TMEM44: variants seen among roughly 807,000 people sequenced by gnomAD.
The protein encoded by TMEM44 is transmembrane protein 44.
A neutral mutation model predicts 47.8 loss-of-function variants in TMEM44; 43 were observed. The ratio of observed to expected loss-of-function variants is 0.90; its 90% CI spans 0.70 to 1.16. The LOEUF is 1.16. Among genes scored for constraint, TMEM44 ranks in the 50% most tolerant of loss-of-function variants. The pLI is 0.00. For missense variants in TMEM44, 568 were observed against 555.2 expected (o/e 1.02, Z -0.23); for synonymous variants, 277 against 238.8 (o/e 1.16, Z -1.48).
chr3:194,604,917 G>C (rs1213505337), intron 8 of TMEM44, among the ~76,000 whole-genome samples: 3 of 152,198 alleles, frequency 2.0e-5, no homozygotes, highest in Non-Finnish European at 4.4e-5. Context: ...GTACATCCAA[G>C]ATTTCAGAGT....
At chr3:194,598,337 T>C (rs951377706) in intron 9 of TMEM44, among the ~76,000 whole-genome samples, 7 of 151,966 alleles carry the variant, frequency 4.6e-5, no homozygotes, top group African/African-American at 1.7e-4. Context: ...AGAGGGTCCG[T>C]TTTCTCGTCT....
chr3:194,594,335 G>C (rs1713151600), intron 9 of TMEM44, among the ~76,000 whole-genome samples: 1 of 151,422 alleles, frequency 6.6e-6, no homozygotes, highest in African/African-American at 2.4e-5. Context: ...AGCTAATTTT[G>C]TATTTTTAGT....
intron 5 of TMEM44, among the ~76,000 whole-genome samples, chr3:194,618,846 T>C (rs1216207096): frequency 6.6e-6 from 1 of 152,158 alleles, no homozygotes; most frequent in African/African-American, 2.4e-5. Flanking sequence ...TCTCCAGGCC[T>C]CCCTGTGTCT....
intron 9 of TMEM44, chr3:194,593,131 A>G: frequency 6.4e-7 from 1 of 1,566,490 alleles, no homozygotes; most frequent in Non-Finnish European, 8.8e-7. Context: ...ACCATCCCAC[A>G]GCAGAGCAGA....
At position 194,612,583 on chromosome 3, in the gene TMEM44, G is replaced by A. The variant is rs956252164; in HGVS notation, c.913-1563C>T. On this transcript the variant is annotated intron_variant, in intron 7 of 9. Coordinates refer to ENST00000347147, the MANE Select transcript of TMEM44 (RefSeq NM_001011655.3). ...CTCTCTGTGAGAGGAGTCTAAGGTAGTGAAGAGCCCAGGTAATAGATGAGA... is the reference window on the plus strand; with the variant it reads ...CTCTCTGTGAGAGGAGTCTAAGGTAATGAAGAGCCCAGGTAATAGATGAGA... Among the ~76,000 whole-genome samples, 7 of 150,306 alleles carry A rather than the reference G, an allele frequency of 4.7e-5. No homozygotes were observed. In the South Asian group the frequency reaches 6.3e-4, roughly 13 times the overall value.
intron 1 of TMEM44, among the ~76,000 whole-genome samples, chr3:194,628,833 C>T (rs1026693435): frequency 3.3e-5 from 5 of 152,092 alleles, no homozygotes; most frequent in South Asian, 2.1e-4. Context: ...AAGCAGCCAT[C>T]GGGTTTTATT....
chr3:194,623,644 AAC>A lies in TMEM44; in HGVS notation c.408_409del (p.Phe137CysfsTer42). 7 of 1,613,070 alleles carry A rather than the reference AAC, an allele frequency of 4.3e-6. No individual in the cohort carries two copies. The highest frequency in any genetic ancestry group is 5.9e-6 in the Non-Finnish European group (7 of 1,179,926). On this transcript the variant is annotated frameshift_variant, in exon 4 of 10. Coordinates refer to ENST00000347147, the MANE Select transcript of TMEM44 (RefSeq NM_001011655.3). LOFTEE classifies it high-confidence loss of function. ...CAGGCTCAGCGGCAGGGCCAGGGCA[AAC>A]ACACTGGCCCTGAGCTGCCGCCTCC...
chr3:194,608,661 A>G (rs1341887483), intron 8 of TMEM44, among the ~76,000 whole-genome samples: 2 of 152,146 alleles, frequency 1.3e-5, no homozygotes, highest in African/African-American at 4.8e-5. Context: ...ATCAGGAGGG[A>G]GAGCATTCTG....
intron 9 of TMEM44, among the ~76,000 whole-genome samples, chr3:194,593,791 C>T (rs1237864293): frequency 6.6e-6 from 1 of 152,126 alleles, no homozygotes; most frequent in Non-Finnish European, 1.5e-5. Flanking sequence ...AACTCCTTAA[C>T]ATTTTTCATT....
chr3:194,613,416 A>T (rs757209935), intron 7 of TMEM44, among the ~76,000 whole-genome samples: 2 of 150,694 alleles, frequency 1.3e-5, no homozygotes, highest in Non-Finnish European at 3.0e-5. Context: ...GAGCTCAGGC[A>T]ATCTGCCCAT....
chr3:194,629,728 G>A (rs575503211), intron 1 of TMEM44, among the ~76,000 whole-genome samples: 9 of 121,446 alleles, frequency 7.4e-5, no homozygotes, highest in African/African-American at 2.7e-4. Flanking sequence ...CCTGCCTCCC[G>A]GAGGGGCTGG....
chr3:194,588,847 A>AC (rs1313442902), intron 9 of TMEM44, among the ~76,000 whole-genome samples: 1 of 151,984 alleles, frequency 6.6e-6, no homozygotes, highest in Admixed American at 6.6e-5. Flanking sequence ...CTAATGAACA[A>AC]CCACCCTAAA....
intron 2 of TMEM44, among the ~76,000 whole-genome samples, chr3:194,627,223 G>A (rs1317793307): frequency 2.6e-5 from 4 of 152,200 alleles, no homozygotes; most frequent in African/African-American, 9.6e-5. Flanking sequence ...ATTAGCTAAT[G>A]AGAATGGGCA....
In TMEM44 at chr3:194,593,047, C is replaced by T. The variant is rs747238368; in HGVS notation, c.1177-4408G>A. 3.4e-5 allele frequency: 55 copies of T among 1,613,662 alleles called. No homozygotes were observed. In the South Asian group the frequency reaches 4.2e-4, roughly 12 times the overall value. On this transcript the variant is annotated intron_variant, in intron 9 of 9. Transcript: ENST00000347147. The stretch of plus-strand genomic sequence containing the variant: ...AGAGCATGATCGTCCATACCTGCTC[C>T]GAGTTTAGGGCCTCCCAATACTTCT...
intron 8 of TMEM44, among the ~76,000 whole-genome samples, chr3:194,609,790 G>A (rs538002955): frequency 6.6e-6 from 1 of 151,962 alleles, no homozygotes; most frequent in African/African-American, 2.4e-5. Flanking sequence ...CTTTTCCTCG[G>A]GCTTCCAACT....
intron 1 of TMEM44, among the ~76,000 whole-genome samples, chr3:194,628,984 T>C (rs1717478293): frequency 6.6e-6 from 1 of 152,018 alleles, no homozygotes; most frequent in Non-Finnish European, 1.5e-5. Context: ...GCCAACATGG[T>C]GAAACCCCGC....
chr3:194,591,497 A>T (rs955144300), intron 9 of TMEM44, among the ~76,000 whole-genome samples: 5 of 152,328 alleles, frequency 3.3e-5, no homozygotes, highest in African/African-American at 1.2e-4. Flanking sequence ...TCTGTCTCAA[A>T]AAATAAATAA....
chr3:194,596,562 C>T lies in TMEM44; in HGVS notation c.1176+7725G>A, dbSNP rs549063514. Among the ~76,000 whole-genome samples, 130 of 152,248 alleles carry T rather than the reference C, an allele frequency of 8.5e-4. 2 individuals carry two copies. In the South Asian group the frequency reaches 0.021, roughly 25 times the overall value. ...ATCCCAGCCCTTTGGGAGGCTGAGG[C>T]GGGCAGATCACCTGAGATCGGGAGT... On this transcript the variant is annotated intron_variant, in intron 9 of 9. Transcript: ENST00000347147.
In TMEM44 at chr3:194,617,135, G is replaced by A. The variant is rs267599747; in HGVS notation, c.747C>T (p.Phe249=). Residue 249 remains phenylalanine, a synonymous_variant, in exon 6 of 10, where the codon TTC becomes TTT. Transcript: ENST00000347147. ...GTGCCGCACGGCCGAGGGAGGTCAGGAACCAGGGTGTGGCCCGCAGCAGGT... is the reference window on the plus strand; with the variant it reads ...GTGCCGCACGGCCGAGGGAGGTCAGAAACCAGGGTGTGGCCCGCAGCAGGT... ...PEYLLRATPW[F]LTSLGRAALD... The A allele has an allele frequency of 6.4e-7, 1 of 1,559,100 alleles. No individual in the cohort carries two copies. Among genetic ancestry groups the A allele is most frequent in the Non-Finnish European group, 8.7e-7 (1 of 1,152,378 alleles).
Sources: gnomAD v4.1 joint callset for allele counts (sites outside exome capture counted in the v4.1 genomes callset) on GRCh38, gnomAD v4.1.1 for gene constraint, MANE v1.5 for transcripts, NCBI Gene and HGNC (gene_info 2026-07-23, HGNC 2026-07-21) for gene names.